Variants in SSUH2 observed in about 807,000 individuals in gnomAD.
The protein encoded by SSUH2 is ssu-2 homolog, also known as protein SSUH2 homolog.
A neutral mutation model predicts 55.3 loss-of-function variants in SSUH2; 47 were observed. The observed-to-expected ratio is 0.85, with a 90% CI of 0.67 to 1.08. The LOEUF (loss-of-function observed/expected upper bound fraction) is 1.08, where lower values mean the gene tolerates loss of function less well. Among genes scored for constraint, SSUH2 ranks in the 50% least tolerant of loss-of-function variants. SSUH2 has a pLI of 0.00. For missense variants in SSUH2, 535 were observed against 490.7 expected (o/e 1.09, Z -0.85); for synonymous variants, 212 against 191.5 (o/e 1.11, Z -0.89).
At position 8,665,644 on chromosome 3, in the gene SSUH2, C is replaced by A. The variant is rs146937283; in HGVS notation, c.-454-1842G>T. ...AAACCTTCTGCAACCCAAAGTCCCC[C>A]CCGTTCACCAACGCAAAAGCCAAAC... On this transcript the variant is annotated intron_variant, in intron 5 of 18. Transcript: ENST00000317371. Among the ~76,000 whole-genome samples, 55 of 152,284 alleles carry A rather than the reference C, an allele frequency of 3.6e-4. 2 individuals carry two copies. In the East Asian group the frequency reaches 0.01, roughly 29 times the overall value.
Position 8,626,259 on chromosome 3 carries a change from A to G in SSUH2, c.737T>C (p.Leu246Pro). ...TCATCKGEKKLLHFIQLVIMW... is the reference protein window; with the variant it reads ...TCATCKGEKKPLHFIQLVIMW... ...GATGACAAGCTGGATGAAGTGCAAC[A>G]GCTTCTTCTCCCCCTTGCAGGTGGC... The change falls in exon 9 of 12, where the codon CTG (leucine) becomes CCG (proline). Residue 246 changes from leucine to proline, a missense_variant. Physicochemically the swap from Leu to Pro is moderately conservative, Grantham distance 98. Transcript: ENST00000544814. 6.2e-7 allele frequency: 1 copy of G among 1,614,098 alleles called. No homozygotes were observed. The highest frequency in any genetic ancestry group is 8.5e-7 in the Non-Finnish European group (1 of 1,179,990).
rs1299893257 is a variant in SSUH2, at chr3:8,626,282, G to T, written c.714C>A (p.Ala238=). The T allele has an allele frequency of 6.2e-7, 1 of 1,614,112 alleles. No homozygotes were observed. The highest frequency in any genetic ancestry group is 2.2e-5 in the East Asian group (1 of 44,874). The part of the protein sequence containing the change: ...TCSGRGNKTC[A]TCKGEKKLLH... ...ACAGCTTCTTCTCCCCCTTGCAGGT[G>T]GCGCAGGTCTTGTTCCCTCTCCCTG... is the stretch of plus-strand genomic sequence containing the variant. The change falls in exon 9 of 12, where the codon GCC becomes GCA. Residue 238 remains alanine, a synonymous_variant. Transcript: ENST00000544814.
intron 5 of SSUH2, among the ~76,000 whole-genome samples, chr3:8,665,223 G>A (rs113940821): frequency 2.0e-5 from 3 of 152,234 alleles, no homozygotes; most frequent in African/African-American, 7.2e-5. Flanking sequence ...AAAGGAAAAT[G>A]GATGAAAGAA....
intron 11 of SSUH2, among the ~76,000 whole-genome samples, chr3:8,620,623 A>G (rs946184828): frequency 1.3e-5 from 2 of 152,182 alleles, no homozygotes; most frequent in Non-Finnish European, 2.9e-5. Flanking sequence ...CTACCATTTG[A>G]TTCTAGGTTT....
chr3:8,663,844 T>C (rs1363198587), intron 5 of SSUH2: 1 of 456,608 alleles, frequency 2.2e-6, no homozygotes, highest in East Asian at 6.9e-5. Context: ...AAATTCTTAG[T>C]AATGATGCGT....
At chr3:8,633,863 G>A (rs2125187523) in intron 3 of SSUH2, 68 bp from the exon 4 acceptor site, 1 of 1,613,796 alleles carries the variant, frequency 6.2e-7, no homozygotes, top group Non-Finnish European at 8.5e-7. Context: ...GGGCCAGCCA[G>A]CCTCCTCAAC....
chr3:8,624,726 G>A (rs750967859), intron 10 of SSUH2, among the ~76,000 whole-genome samples: 62 of 152,180 alleles, frequency 4.1e-4, no homozygotes, highest in African/African-American at 1.2e-3. Flanking sequence ...CAGAAAATGC[G>A]TGGGGCTGTG....
rs1696041078 is a variant in SSUH2 at position 8,619,803 on chromosome 3, CAG to C, written c.*63_*64del. The C allele has an allele frequency of 2.5e-6, 4 of 1,574,710 alleles. No homozygotes were observed. The highest frequency in any genetic ancestry group is 3.5e-6 in the Non-Finnish European group (4 of 1,157,528). On this transcript the variant is annotated 3_prime_UTR_variant, in exon 12 of 12. Transcript: ENST00000544814. ...CAATGCAGCCAACAGTGAACACACT[CAG>C]AGAGTGTCGGCCATCTTCCTTGGCA...
intron 7 of SSUH2, among the ~76,000 whole-genome samples, chr3:8,651,693 A>G (rs974725812): frequency 1.3e-5 from 2 of 152,180 alleles, no homozygotes; most frequent in Non-Finnish European, 2.9e-5. Flanking sequence ...ATGAAGCCAA[A>G]AGTGGCAGAA....
rs547224101 is a variant in SSUH2 at position 8,628,242 on chromosome 3, T to G, written c.589-459A>C. Reference sequence around the variant, plus strand: ...CTGGGACCCACAGGCAGTGCAGGAGTGAGCTGGGGATGCAAACCCAGCAGG... The same window carrying G: ...CTGGGACCCACAGGCAGTGCAGGAGGGAGCTGGGGATGCAAACCCAGCAGG... On this transcript the variant is annotated intron_variant, in intron 7 of 11. Coordinates refer to ENST00000544814, the MANE Select transcript of SSUH2 (RefSeq NM_001256748.3). Among the ~76,000 whole-genome samples, 50 of 151,872 alleles carry G rather than the reference T, an allele frequency of 3.3e-4. No homozygotes were observed. In the South Asian group the frequency reaches 0.01, roughly 31 times the overall value.
chr3:8,674,314 A>G (rs57368512), intron 3 of SSUH2, among the ~76,000 whole-genome samples: 6,432 of 152,224 alleles, frequency 0.042, 216 homozygotes, highest in East Asian at 0.18. Context: ...TGGAAGAACA[A>G]ATGCCCTCAG....
At chr3:8,675,941 C>G (rs1053155452) in intron 3 of SSUH2, among the ~76,000 whole-genome samples, 15 of 152,252 alleles carry the variant, frequency 9.9e-5, no homozygotes, top group South Asian at 2.1e-4. Context: ...AGTGGCCTAC[C>G]TCTCTAAACA....
intron 6 of SSUH2, 49 bp from the exon 7 acceptor site, chr3:8,629,775 TC>T (rs1559331702): frequency 1.9e-6 from 3 of 1,570,558 alleles, no homozygotes; most frequent in Non-Finnish European, 1.8e-6. Context: ...GGGCCACTTC[TC>T]CCACACCCAT....
intron 11 of SSUH2, among the ~76,000 whole-genome samples, chr3:8,621,213 T>C (rs1238291506): frequency 6.6e-6 from 1 of 152,208 alleles, no homozygotes; most frequent in South Asian, 2.1e-4. Context: ...TGTCCCAGAC[T>C]CAGATGTGGG....
chr3:8,649,959 C>T (rs552657785), intron 7 of SSUH2, among the ~76,000 whole-genome samples: 15 of 152,308 alleles, frequency 9.8e-5, no homozygotes, highest in African/African-American at 3.4e-4. Flanking sequence ...ATGGCCTCTG[C>T]CTGCTTCCCT....
At chr3:8,660,577 GAA>G (rs1479462638) in intron 6 of SSUH2, among the ~76,000 whole-genome samples, 1 of 152,212 alleles carries the variant, frequency 6.6e-6, no homozygotes, top group Non-Finnish European at 1.5e-5. Context: ...AAAAAAGAGA[GAA>G]AGACAAATTC....
chr3:8,630,494 A>G (rs938840086), intron 6 of SSUH2, among the ~76,000 whole-genome samples: 5 of 152,228 alleles, frequency 3.3e-5, no homozygotes, highest in African/African-American at 1.2e-4. Flanking sequence ...AGCTAAAATA[A>G]ATTTTTAAAA....
intron 5 of SSUH2, among the ~76,000 whole-genome samples, chr3:8,631,629 G>C (rs1460589687): frequency 6.6e-6 from 1 of 152,094 alleles, no homozygotes; most frequent in Non-Finnish European, 1.5e-5. Context: ...CCCAAAGAGA[G>C]AAGCTTAGGC....
chr3:8,668,645 G>A (rs1704219961), intron 5 of SSUH2, among the ~76,000 whole-genome samples: 1 of 152,128 alleles, frequency 6.6e-6, no homozygotes, highest in South Asian at 2.1e-4. Flanking sequence ...TCCTTTATTA[G>A]GGATGAATTA....
Sources: allele counts gnomAD v4.1 joint callset (sites outside exome capture counted in the v4.1 genomes callset), GRCh38; gene constraint gnomAD v4.1.1; transcripts MANE v1.5; gene names NCBI Gene and HGNC (gene_info 2026-07-23, HGNC 2026-07-21).